Variants in CDH4 observed in about 807,000 individuals in gnomAD.
The protein encoded by CDH4 is cadherin-4.
Under a neutral mutation model 86.0 loss-of-function variants are expected in CDH4, and 33 were observed. The observed-to-expected ratio is 0.38, with a 90% confidence interval of 0.29 to 0.51. The LOEUF is 0.51. CDH4 is among the 20% of genes least tolerant of loss of function. The pLI is 0.86. For missense variants in CDH4, 1,114 were observed against 1,307.4 expected, an observed-to-expected ratio of 0.85 and a Z score of 2.28; for synonymous variants, 555 against 549.4, an observed-to-expected ratio of 1.01 and a Z score of -0.14.
At position 61,353,823 on chromosome 20, in the gene CDH4, G is replaced by T. The variant is rs28398213; in HGVS notation, c.169+98886G>T. The stretch of plus-strand genomic sequence containing the variant: ...CATGCCAGAGCCTGGAATGTGCCCC[G>T]TTAGAAACATCCGCAAATGAAAATT... On this transcript the variant is annotated intron_variant, in intron 2 of 15. Transcript: ENST00000614565. 6.2e-5 allele frequency among the ~76,000 whole-genome samples: 9 copies of T among 144,342 alleles called. 1 individual carries two copies. The South Asian group carries it at 2.0e-3, about 33-fold the overall frequency. The allele number at this position is 144,342 out of a possible 152,430, so 94.7% of individuals were successfully genotyped here. A position where few individuals can be genotyped will look rare whatever the true frequency, so the allele number is the denominator to read the frequency against.
intron 9 of CDH4, among the ~76,000 whole-genome samples, chr20:61,916,608 T>G (rs1305826639): frequency 6.6e-6 from 1 of 152,214 alleles, no homozygotes; most frequent in Non-Finnish European, 1.5e-5. Flanking sequence ...TTCTCCCTGC[T>G]TAGTTCCCCA....
At chr20:61,302,946 A>G (rs891258808) in intron 2 of CDH4, among the ~76,000 whole-genome samples, 8 of 152,192 alleles carry the variant, frequency 5.3e-5, no homozygotes, top group East Asian at 3.9e-4. Flanking sequence ...GAAAGAGGCC[A>G]TGAGCCCATA....
intron 2 of CDH4, among the ~76,000 whole-genome samples, chr20:61,595,076 A>G (rs2145736608): frequency 6.6e-6 from 1 of 152,320 alleles, no homozygotes; most frequent in African/African-American, 2.4e-5. Flanking sequence ...GGTTGGTCAC[A>G]TGTCAGGTCA....
At chr20:61,404,147 C>T (rs1357315483) in intron 2 of CDH4, among the ~76,000 whole-genome samples, 1 of 55,620 alleles carries the variant, frequency 1.8e-5, no homozygotes, top group East Asian at 3.9e-4. Flanking sequence ...TGAGCTGCTA[C>T]AGCCAGGCGG....
intron 1 of CDH4, among the ~76,000 whole-genome samples, chr20:61,254,046 C>A (rs926167367): frequency 1.6e-4 from 24 of 152,358 alleles, no homozygotes; most frequent in Non-Finnish European, 3.2e-4. Context: ...TGTCGTCCAC[C>A]CCATCCTTCC....
At chr20:61,921,194 G>GTGTCGTGATTGCATGGAAGCGTGC (rs2054978858) in intron 9 of CDH4, among the ~76,000 whole-genome samples, 1 of 136,822 alleles carries the variant, frequency 7.3e-6, no homozygotes, top group Non-Finnish European at 1.5e-5. Flanking sequence ...TGGAAGCGTG[G>GTGTCGTGATTGCATGGAAGCGTGC]TGTCGTGATT....
intron 7 of CDH4, among the ~76,000 whole-genome samples, chr20:61,892,953 GA>G (rs1288901224): frequency 6.8e-6 from 1 of 147,650 alleles, no homozygotes; most frequent in Non-Finnish European, 1.5e-5. Flanking sequence ...TGGATAAATG[GA>G]TGGGTGGGTG....
chr20:61,637,453 C>T (rs2086959176), intron 2 of CDH4, among the ~76,000 whole-genome samples: 1 of 152,164 alleles, frequency 6.6e-6, no homozygotes, highest in Non-Finnish European at 1.5e-5. Context: ...TTAAGAACTG[C>T]CTTGGTTACC....
At position 61,503,510 on chromosome 20, in the gene CDH4, G is replaced by A. The variant is rs552111353; in HGVS notation, c.170-240053G>A. On this transcript the variant is annotated intron_variant, in intron 2 of 15. Transcript: ENST00000614565. The stretch of plus-strand genomic sequence containing the variant: ...TATTTGGGATCATGAATGCTGAAGA[G>A]TAAGTGTGTCCTGGATGTTGGCGTC... 3.3e-5 allele frequency among the ~76,000 whole-genome samples: 5 copies of A among 152,322 alleles called. No homozygotes were observed. The South Asian group carries it at 6.2e-4, about 19-fold the overall frequency.
intron 2 of CDH4, among the ~76,000 whole-genome samples, chr20:61,277,046 C>T (rs1447917457): frequency 6.6e-6 from 1 of 152,190 alleles, no homozygotes; most frequent in African/African-American, 2.4e-5. Context: ...CTGTCACACG[C>T]CCACCCCCTT....
intron 2 of CDH4, among the ~76,000 whole-genome samples, chr20:61,444,671 A>ATGTG (rs1457568480): frequency 7.8e-6 from 1 of 128,436 alleles, no homozygotes; most frequent in African/African-American, 3.1e-5. Context: ...ATCCGTATGT[A>ATGTG]TATCTTTGTG....
chr20:61,415,556 C>T (rs1316305359), intron 2 of CDH4, among the ~76,000 whole-genome samples: 1 of 152,048 alleles, frequency 6.6e-6, no homozygotes, highest in African/African-American at 2.4e-5. Flanking sequence ...GCCCCTGGCC[C>T]CCACCATCCT....
intron 2 of CDH4, among the ~76,000 whole-genome samples, chr20:61,583,638 G>T (rs2086448586): frequency 6.6e-6 from 1 of 152,174 alleles, no homozygotes; most frequent in Admixed American, 6.5e-5. Flanking sequence ...TGCCTGGCCT[G>T]ATCTCTCTCC....
intron 4 of CDH4, among the ~76,000 whole-genome samples, chr20:61,792,431 C>T (rs1459526880): frequency 6.6e-6 from 1 of 152,190 alleles, no homozygotes; most frequent in Non-Finnish European, 1.5e-5. Flanking sequence ...AGCCCAAGGG[C>T]CTCTTCCAAG....
At chr20:61,680,438 T>C (rs1818965015) in intron 2 of CDH4, among the ~76,000 whole-genome samples, 1 of 152,056 alleles carries the variant, frequency 6.6e-6, no homozygotes, top group African/African-American at 2.4e-5. Flanking sequence ...TGAAATGTGA[T>C]GGGAGGCTGT....
intron 2 of CDH4, among the ~76,000 whole-genome samples, chr20:61,609,868 T>C (rs1409860476): frequency 3.9e-5 from 6 of 152,220 alleles, no homozygotes; most frequent in African/African-American, 1.4e-4. Flanking sequence ...TCTTTCCCAT[T>C]AATATGTCAG....
chr20:61,533,926 G>A (rs559376642), intron 2 of CDH4, among the ~76,000 whole-genome samples: 4 of 152,298 alleles, frequency 2.6e-5, no homozygotes, highest in Admixed American at 6.5e-5. Flanking sequence ...CTCCCCATCC[G>A]AACTGTAGTT....
chr20:61,296,090 A>G (rs1297846586), intron 2 of CDH4, among the ~76,000 whole-genome samples: 1 of 152,042 alleles, frequency 6.6e-6, no homozygotes, highest in Non-Finnish European at 1.5e-5. Flanking sequence ...CGAGAAGGAG[A>G]GCGGCTTCTA....
chr20:61,433,425 T>TTGGAA (rs1426043816), intron 2 of CDH4, among the ~76,000 whole-genome samples: 2 of 152,172 alleles, frequency 1.3e-5, no homozygotes, highest in African/African-American at 4.8e-5. Flanking sequence ...CGTCAGCCAT[T>TTGGAA]CGACTTTACT....
Sources: gnomAD v4.1 joint callset for allele counts (sites outside exome capture counted in the v4.1 genomes callset) on GRCh38, gnomAD v4.1.1 for gene constraint, MANE v1.5 for transcripts, NCBI Gene and HGNC (gene_info 2026-07-23, HGNC 2026-07-21) for gene names.